The following PRIM2 variants were observed in gnomAD, a reference collection of about 807,000 sequenced individuals.
PRIM2 encodes the protein DNA primase large subunit.
PRIM2 carries 39 observed loss-of-function variants against 67.3 expected under a neutral mutation model. That is an observed-to-expected ratio of 0.58 (90% CI 0.45 to 0.76). The LOEUF is 0.76. PRIM2 is among the 30% of genes least tolerant of loss of function. The pLI is 0.00. For synonymous variants in PRIM2, 143 were observed against 198.7 expected (o/e 0.72, Z 2.36); for missense variants, 398 against 598.7 (o/e 0.66, Z 3.50).
intron 7 of PRIM2, among the ~76,000 whole-genome samples, chr6:57,444,339 C>T (rs74584198): frequency 0.17 from 25,927 of 151,942 alleles, 2,262 homozygotes; most frequent in East Asian, 0.2. Context: ...AAGGCCGAGG[C>T]GGGCGGATCA....
intron 10 of PRIM2, among the ~76,000 whole-genome samples, chr6:57,578,956 G>A (rs1348058660): frequency 6.6e-6 from 1 of 151,982 alleles, no homozygotes; most frequent in African/African-American, 2.4e-5. Context: ...GATTACAGGC[G>A]TGAGCCACCG....
intron 7 of PRIM2, among the ~76,000 whole-genome samples, chr6:57,499,911 C>A (rs1324531943): frequency 2.8e-4 from 43 of 152,308 alleles, no homozygotes; most frequent in African/African-American, 9.4e-4. Flanking sequence ...TTGCTGATAA[C>A]ACTTAAATCT....
chr6:57,334,858 A>T (rs1188866288), intron 5 of PRIM2, among the ~76,000 whole-genome samples: 2 of 152,218 alleles, frequency 1.3e-5, no homozygotes, highest in Non-Finnish European at 2.9e-5. Flanking sequence ...GCAATTAAAA[A>T]AATGGTTTTG....
At chr6:57,479,794 AC>A (rs1687546117) in intron 7 of PRIM2, among the ~76,000 whole-genome samples, 1 of 152,184 alleles carries the variant, frequency 6.6e-6, no homozygotes, top group Admixed American at 6.6e-5. Context: ...TTATCTGTAA[AC>A]TACTTTGCCT....
chr6:57,640,584 C>T (rs1242410594), intron 13 of PRIM2, among the ~76,000 whole-genome samples: 1 of 151,630 alleles, frequency 6.6e-6, no homozygotes, highest in Non-Finnish European at 1.5e-5. Flanking sequence ...CATTCCTATA[C>T]ACCACTAATA....
chr6:57,321,113 G>C (rs1262598609), intron 3 of PRIM2, among the ~76,000 whole-genome samples: 1 of 152,158 alleles, frequency 6.6e-6, no homozygotes, highest in Non-Finnish European at 1.5e-5. Flanking sequence ...GCCCGGAAAT[G>C]ATGAGAGTCT....
intron 5 of PRIM2, among the ~76,000 whole-genome samples, chr6:57,375,718 T>A (rs1769740352): frequency 6.6e-6 from 1 of 151,412 alleles, no homozygotes; most frequent in Admixed American, 6.6e-5. Flanking sequence ...GGTGTGTGTC[T>A]GTAGTCCTAT....
chr6:57,307,235 A>T, the PRIM2 span, among the ~76,000 whole-genome samples: 5 of 140,770 alleles, frequency 3.6e-5, no homozygotes, highest in South Asian at 2.4e-4. Flanking sequence ...AAAAAATAAA[A>T]AAATAAATGC....
chr6:57,283,859 C>T, the PRIM2 span, among the ~76,000 whole-genome samples: 1 of 152,162 alleles, frequency 6.6e-6, no homozygotes, highest in South Asian at 2.1e-4. Context: ...CTTAAAGTAC[C>T]TAGTCATCAT....
chr6:57,425,828 C>T (rs1771604824), intron 7 of PRIM2, among the ~76,000 whole-genome samples: 1 of 151,986 alleles, frequency 6.6e-6, no homozygotes, highest in Non-Finnish European at 1.5e-5. Context: ...TTTATTAATT[C>T]ATTTTTTTCT....
chr6:57,285,741 T>C, the PRIM2 span, among the ~76,000 whole-genome samples: 1 of 152,174 alleles, frequency 6.6e-6, no homozygotes, highest in South Asian at 2.1e-4. Flanking sequence ...TTCAACATAG[T>C]ATTGGAATTT....
intron 8 of PRIM2, among the ~76,000 whole-genome samples, chr6:57,517,983 A>G (rs1201565522): frequency 2.0e-5 from 3 of 152,122 alleles, no homozygotes; most frequent in African/African-American, 7.2e-5. Context: ...ACCTAAGAGC[A>G]CCCCCTGGCA....
chr6:57,617,678 C>G (rs1269748649), intron 12 of PRIM2, among the ~76,000 whole-genome samples: 2 of 152,216 alleles, frequency 1.3e-5, no homozygotes, highest in South Asian at 4.1e-4. Flanking sequence ...ATATGATTTG[C>G]AAATATGTTC....
chr6:57,644,576 TTTAA>T (rs1334961528), intron 13 of PRIM2, among the ~76,000 whole-genome samples: 1 of 152,220 alleles, frequency 6.6e-6, no homozygotes, highest in Non-Finnish European at 1.5e-5. Flanking sequence ...ATAGTAAGGC[TTTAA>T]TTAAATATGC....
chr6:57,581,514 T>G (rs1225639177), intron 10 of PRIM2, among the ~76,000 whole-genome samples: 2 of 152,218 alleles, frequency 1.3e-5, no homozygotes, highest in African/African-American at 2.4e-5. Context: ...TATCAATGAA[T>G]AAAGCAGATT....
rs1158219867 is a variant in PRIM2, at chr6:57,583,116, C to T, written c.1021-17977C>T. Among the ~76,000 whole-genome samples the T allele has an allele frequency of 2.3e-4, 35 of 150,442 alleles. 1 individual carries two copies. Among genetic ancestry groups the T allele is most frequent in the Non-Finnish European group, 4.3e-4 (29 of 67,702 alleles). ...TCCATGTCCCTACAAAGGACATGAACTCATCATTTTTTATGGCTGCATAGT... is the reference window on the plus strand; with the variant it reads ...TCCATGTCCCTACAAAGGACATGAATTCATCATTTTTTATGGCTGCATAGT... On this transcript the variant is annotated intron_variant, in intron 10 of 13. Coordinates refer to ENST00000615550, the MANE Select transcript of PRIM2 (RefSeq NM_000947.5).
At chr6:57,437,013 C>T (rs941227605) in intron 7 of PRIM2, among the ~76,000 whole-genome samples, 3 of 152,152 alleles carry the variant, frequency 2.0e-5, no homozygotes, top group African/African-American at 7.2e-5. Context: ...GTTTAATTGG[C>T]TCATGGTTCC....
chr6:57,560,956 A>G (rs1275172685), intron 10 of PRIM2, among the ~76,000 whole-genome samples: 1 of 152,024 alleles, frequency 6.6e-6, no homozygotes, highest in Non-Finnish European at 1.5e-5. Context: ...TATAGCCCCT[A>G]ACAAGAAAGT....
intron 10 of PRIM2, among the ~76,000 whole-genome samples, chr6:57,579,133 C>T (rs1431758655): frequency 6.7e-6 from 1 of 149,824 alleles, no homozygotes. Context: ...AGCTAACATA[C>T]GTTTTTTCTA....
Sources: gnomAD v4.1 joint callset for allele counts (sites outside exome capture counted in the v4.1 genomes callset) on GRCh38, gnomAD v4.1.1 for gene constraint, MANE v1.5 for transcripts, NCBI Gene and HGNC (gene_info 2026-07-23, HGNC 2026-07-21) for gene names.